Variants in PCDH9 observed in about 807,000 individuals in gnomAD.
PCDH9 encodes protocadherin-9.
Under a neutral mutation model 70.6 loss-of-function variants are expected in PCDH9, and 24 were observed. The observed-to-expected ratio is 0.34, with a 90% confidence interval of 0.25 to 0.48. The LOEUF (loss-of-function observed/expected upper bound fraction) is 0.48, where lower values mean the gene tolerates loss of function less well. PCDH9 is among the 20% of genes least tolerant of loss of function. PCDH9 has a pLI of 0.99. For synonymous variants in PCDH9, 562 were observed against 558.5 expected, an observed-to-expected ratio of 1.01 and a Z score of -0.09; for missense variants, 1,281 against 1,503.6, an observed-to-expected ratio of 0.85 and a Z score of 2.45.
intron 4 of PCDH9, among the ~76,000 whole-genome samples, chr13:66,494,836 A>G (rs1278566995): frequency 6.6e-6 from 1 of 152,206 alleles, no homozygotes; most frequent in African/African-American, 2.4e-5. Context: ...TTTCAACCAA[A>G]GGCAATGTCT....
At chr13:67,079,579 T>C (rs1024433375) in intron 2 of PCDH9, among the ~76,000 whole-genome samples, 1 of 152,178 alleles carries the variant, frequency 6.6e-6, no homozygotes, top group Admixed American at 6.5e-5. Flanking sequence ...CCAAAATATA[T>C]TTCTTTAACA....
intron 3 of PCDH9, among the ~76,000 whole-genome samples, chr13:66,776,552 C>A (rs911521618): frequency 1.3e-5 from 2 of 151,828 alleles, no homozygotes; most frequent in African/African-American, 4.8e-5. Flanking sequence ...GAATAAAATA[C>A]CTAGGAATCC....
intron 3 of PCDH9, among the ~76,000 whole-genome samples, chr13:66,839,236 T>C (rs561050807): frequency 6.6e-6 from 1 of 152,270 alleles, no homozygotes; most frequent in South Asian, 2.1e-4. Context: ...TAGACATCTC[T>C]CTTTCTTGCA....
At chr13:66,373,576 A>G (rs913940591) in intron 4 of PCDH9, among the ~76,000 whole-genome samples, 3 of 152,176 alleles carry the variant, frequency 2.0e-5, no homozygotes, top group South Asian at 4.1e-4. Flanking sequence ...AACCACAGAT[A>G]CACTCGTATA....
intron 4 of PCDH9, among the ~76,000 whole-genome samples, chr13:66,338,355 TAGTG>T (rs1956071055): frequency 6.6e-6 from 1 of 152,008 alleles, no homozygotes; most frequent in African/African-American, 2.4e-5. Flanking sequence ...TTAGTATCCC[TAGTG>T]AGTATTAATT....
intron 4 of PCDH9, among the ~76,000 whole-genome samples, chr13:66,617,133 G>A (rs750979910): frequency 1.3e-4 from 20 of 152,188 alleles, no homozygotes; most frequent in Non-Finnish European, 1.9e-4. Flanking sequence ...AGGAGATATA[G>A]GTGAGAGCAG....
At chr13:66,398,153 A>G (rs1338405433) in intron 4 of PCDH9, among the ~76,000 whole-genome samples, 1 of 152,110 alleles carries the variant, frequency 6.6e-6, no homozygotes, top group Non-Finnish European at 1.5e-5. Context: ...AGGTCACCAG[A>G]TATACCTCAG....
At chr13:66,577,615 CT>C in intron 4 of PCDH9, among the ~76,000 whole-genome samples, 1 of 152,050 alleles carries the variant, frequency 6.6e-6, no homozygotes, top group South Asian at 2.1e-4. Flanking sequence ...ATTTCTATTA[CT>C]TTTGTACCCC....
At chr13:66,991,025 AT>A (rs1037513812) in intron 2 of PCDH9, 12 of 151,956 alleles carry the variant, frequency 7.9e-5, no homozygotes, top group African/African-American at 2.9e-4. Context: ...TATTTTTAAT[AT>A]TAGCGGGTTT....
At chr13:66,630,106 C>A (rs934472392) in intron 4 of PCDH9, among the ~76,000 whole-genome samples, 3 of 152,090 alleles carry the variant, frequency 2.0e-5, no homozygotes, top group Non-Finnish European at 4.4e-5. Context: ...TTCGTGCAAC[C>A]AGTTTGGAGC....
At chr13:67,222,089 G>A (rs1245314255) in intron 2 of PCDH9, 2 of 151,968 alleles carry the variant, frequency 1.3e-5, no homozygotes, top group Non-Finnish European at 2.9e-5. Context: ...CATTCCACAG[G>A]GAGAATCAGT....
chr13:66,922,091 C>A (rs983498311), intron 2 of PCDH9, among the ~76,000 whole-genome samples: 3 of 151,212 alleles, frequency 2.0e-5, no homozygotes, highest in African/African-American at 7.3e-5. Flanking sequence ...AAAGATAAAC[C>A]AGATTATGTC....
intron 2 of PCDH9, among the ~76,000 whole-genome samples, chr13:67,087,610 T>C (rs548811997): frequency 6.6e-6 from 1 of 152,114 alleles, no homozygotes; most frequent in African/African-American, 2.4e-5. Context: ...CTCCAAGCTT[T>C]GTTCCTCTCC....
chr13:66,728,748 C>A (rs185900997), intron 3 of PCDH9, among the ~76,000 whole-genome samples: 2 of 152,196 alleles, frequency 1.3e-5, no homozygotes, highest in Non-Finnish European at 2.9e-5. Context: ...TATTTTCCTA[C>A]TTAGACTTTG....
chr13:66,800,677 C>A (rs1348719301), intron 3 of PCDH9, among the ~76,000 whole-genome samples: 1 of 152,156 alleles, frequency 6.6e-6, no homozygotes, highest in African/African-American at 2.4e-5. Flanking sequence ...GTCTCACTTG[C>A]ATACTGATTT....
At chr13:66,772,125 A>G (rs2079818208) in intron 3 of PCDH9, among the ~76,000 whole-genome samples, 1 of 152,228 alleles carries the variant, frequency 6.6e-6, no homozygotes, top group Admixed American at 6.5e-5. Context: ...TATCAGCTTC[A>G]GAAATACAGC....
At chr13:66,484,950 T>C (rs1037206999) in intron 4 of PCDH9, among the ~76,000 whole-genome samples, 4 of 152,266 alleles carry the variant, frequency 2.6e-5, no homozygotes, top group Non-Finnish European at 5.9e-5. Context: ...GATATACACA[T>C]GTACCCTTTA....
intron 4 of PCDH9, among the ~76,000 whole-genome samples, chr13:66,397,879 A>G (rs1957130229): frequency 6.6e-6 from 1 of 151,998 alleles, no homozygotes; most frequent in Admixed American, 6.6e-5. Context: ...GTTATTGCCC[A>G]TAACAACCTT....
At chr13:66,686,477 T>A (rs2078404037) in intron 3 of PCDH9, among the ~76,000 whole-genome samples, 1 of 152,176 alleles carries the variant, frequency 6.6e-6, no homozygotes, top group Non-Finnish European at 1.5e-5. Context: ...GAGAATGAAC[T>A]AATACATCAT....
Sources: gnomAD v4.1 joint callset for allele counts (sites outside exome capture counted in the v4.1 genomes callset) on GRCh38, gnomAD v4.1.1 for gene constraint, MANE v1.5 for transcripts, NCBI Gene and HGNC (gene_info 2026-07-23, HGNC 2026-07-21) for gene names.